Variants in ADAMTS18 observed in about 807,000 individuals in gnomAD.
ADAMTS18 encodes the protein ADAM metallopeptidase with thrombospondin type 1 motif 18, also known as A disintegrin and metalloproteinase with thrombospondin motifs 18.
A neutral mutation model predicts 165.9 loss-of-function variants in ADAMTS18; 157 were observed. The ratio of observed to expected loss-of-function variants is 0.95; its 90% CI spans 0.83 to 1.08. The LOEUF (loss-of-function observed/expected upper bound fraction) is 1.08, where lower values mean the gene tolerates loss of function less well. Ranked by LOEUF, ADAMTS18 falls within the 50% of genes least tolerant of loss-of-function variation. ADAMTS18 has a pLI of 0.00. For missense variants in ADAMTS18, 2,040 were observed against 1,534.0 expected (o/e 1.33, Z -5.51); for synonymous variants, 782 against 578.2 (o/e 1.35, Z -5.06).
chr16:77,322,261 C>G (rs2056014321), intron 14 of ADAMTS18, 75 bp downstream of exon 14: 2 of 1,576,970 alleles, frequency 1.3e-6, no homozygotes, highest in Non-Finnish European at 1.7e-6. Flanking sequence ...ATCTCTCACA[C>G]CACTGTTCAC....
chr16:77,389,330 T>C (rs1355665321), intron 3 of ADAMTS18, among the ~76,000 whole-genome samples: 2 of 152,170 alleles, frequency 1.3e-5, no homozygotes, highest in South Asian at 2.1e-4. Context: ...GTCCAATCTT[T>C]ACATGATCTA....
chr16:77,364,439 T>A, intron 4 of ADAMTS18, 58 bp from the exon 5 acceptor site: 1 of 1,563,818 alleles, frequency 6.4e-7, no homozygotes, highest in Non-Finnish European at 8.7e-7. Context: ...GATAAGACAG[T>A]TGAGAGAGAA....
chr16:77,412,618 G>A (rs2057479212), intron 3 of ADAMTS18, among the ~76,000 whole-genome samples: 1 of 152,168 alleles, frequency 6.6e-6, no homozygotes, highest in African/African-American at 2.4e-5. Context: ...GTTCCACATG[G>A]CTGAGAAGGT....
chr16:77,337,700 T>A (rs1346535360), intron 11 of ADAMTS18, among the ~76,000 whole-genome samples: 2 of 152,198 alleles, frequency 1.3e-5, no homozygotes, highest in East Asian at 3.9e-4. Flanking sequence ...TAACTTGATG[T>A]TCTATTACTT....
chr16:77,364,278 A>C lies in ADAMTS18; in HGVS notation c.882T>G (p.Asn294Lys), dbSNP rs771931863. 1 of 1,613,940 alleles carries C rather than the reference A, an allele frequency of 6.2e-7. No homozygotes were observed. The highest frequency in any genetic ancestry group is 2.2e-5 in the East Asian group (1 of 44,856). The change falls in exon 5 of 23, where the codon AAT becomes AAG. Residue 294 changes from asparagine to lysine, a missense_variant. Asn to Lys is a moderately conservative substitution (Grantham distance 94, BLOSUM62 0). Coordinates refer to ENST00000282849, the MANE Select transcript of ADAMTS18 (RefSeq NM_199355.4). ...TGTCTGCCACCACGAGGGTTTCCAC[A>C]TTGAGGCCCTTTTGTGATTTTCCAG... ...RSAGKSQKGLNVETLVVADKK... is the reference protein window; with the variant it reads ...RSAGKSQKGLKVETLVVADKK...
chr16:77,423,877 G>A (rs1485216990), intron 3 of ADAMTS18, among the ~76,000 whole-genome samples: 1 of 152,110 alleles, frequency 6.6e-6, no homozygotes, highest in Non-Finnish European at 1.5e-5. Context: ...AGGCCTTAAG[G>A]CAAGACAGGG....
intron 3 of ADAMTS18, among the ~76,000 whole-genome samples, chr16:77,408,476 T>C (rs1388106685): frequency 6.6e-6 from 1 of 152,104 alleles, no homozygotes; most frequent in Non-Finnish European, 1.5e-5. Context: ...AAAAAATAGA[T>C]AAATAGTGGT....
chr16:77,341,805 A>AT lies in ADAMTS18; in HGVS notation c.1615-7dup. 1 of 1,605,304 alleles carries AT rather than the reference A, an allele frequency of 6.2e-7. No individual in the cohort carries two copies. Among genetic ancestry groups the AT allele is most frequent in the Non-Finnish European group, 8.5e-7 (1 of 1,175,008 alleles). Reference sequence around the variant, plus strand: ...CAAAGTGATTTGCAAATATCCTGAAATAAAAAAAAAGGGGGGTGCTGTTAA... The same window carrying AT: ...CAAAGTGATTTGCAAATATCCTGAAATTAAAAAAAAAGGGGGGTGCTGTTAA... On this transcript the variant is annotated splice_polypyrimidine_tract_variant and splice_region_variant and intron_variant, in intron 10 of 22. Coordinates refer to ENST00000282849, the MANE Select transcript of ADAMTS18 (RefSeq NM_199355.4).
intron 12 of ADAMTS18, among the ~76,000 whole-genome samples, chr16:77,332,448 C>T (rs895193216): frequency 3.9e-5 from 6 of 152,060 alleles, no homozygotes; most frequent in African/African-American, 1.4e-4. Context: ...GAATGTTCCC[C>T]AGTCTGTCAG....
Position 77,353,872 on chromosome 16 carries a change from C to A in ADAMTS18, c.1475G>T (p.Gly492Val), listed in dbSNP as rs777821524. 1.2e-6 allele frequency: 2 copies of A among 1,614,134 alleles called. No homozygotes were observed. The highest frequency in any genetic ancestry group is 1.1e-5 in the South Asian group (1 of 91,086). Residue 492 changes from glycine (G) to valine (V), a missense_variant, in exon 10 of 23, where the codon GGG (glycine) becomes GTG (valine). By Grantham distance (109) the Gly-to-Val change is moderately radical. Coordinates refer to ENST00000282849, the MANE Select transcript of ADAMTS18 (RefSeq NM_199355.4). ...TTGCTTGGGCTCATCCACTAGACAC[C>A]CCGCCTGAGGTGTGCTGTAATGACA... ...LKKFLSTPQA[G>V]CLVDEPKQAG...
chr16:77,334,460 T>C (rs1461076193), intron 12 of ADAMTS18, among the ~76,000 whole-genome samples: 1 of 112,470 alleles, frequency 8.9e-6, no homozygotes, highest in Non-Finnish European at 1.6e-5. Flanking sequence ...TTATATAGTA[T>C]ATATACTGTA....
intron 3 of ADAMTS18, among the ~76,000 whole-genome samples, chr16:77,388,749 T>C (rs1458318753): frequency 2.0e-5 from 3 of 152,196 alleles, no homozygotes; most frequent in Admixed American, 6.5e-5. Context: ...GGTTGTTTTC[T>C]TCCCCTCAGC....
chr16:77,379,438 T>C (rs1487514189), intron 3 of ADAMTS18, among the ~76,000 whole-genome samples: 1 of 152,202 alleles, frequency 6.6e-6, no homozygotes, highest in Non-Finnish European at 1.5e-5. Context: ...CAGAATAGAC[T>C]GTGACCATGG....
chr16:77,293,741 A>G (rs2055413151), intron 19 of ADAMTS18, among the ~76,000 whole-genome samples: 1 of 149,148 alleles, frequency 6.7e-6, no homozygotes, highest in Non-Finnish European at 1.5e-5. Context: ...ATCACGCATG[A>G]GATTCTCATA....
At chr16:77,348,210 T>C (rs2056505687) in intron 10 of ADAMTS18, among the ~76,000 whole-genome samples, 1 of 152,162 alleles carries the variant, frequency 6.6e-6, no homozygotes, top group African/African-American at 2.4e-5. Flanking sequence ...CAATAAATAA[T>C]GTTCCTGTCT....
At chr16:77,335,091 G>T (rs1204923805) in intron 12 of ADAMTS18, among the ~76,000 whole-genome samples, 3 of 147,444 alleles carry the variant, frequency 2.0e-5, no homozygotes, top group Non-Finnish European at 4.5e-5. Flanking sequence ...ATGGTATTCA[G>T]CCTATTATGA....
chr16:77,401,354 G>C (rs1376156980), intron 3 of ADAMTS18, among the ~76,000 whole-genome samples: 2 of 152,206 alleles, frequency 1.3e-5, no homozygotes, highest in Non-Finnish European at 2.9e-5. Flanking sequence ...TATGTTTACT[G>C]TGTACTAGAT....
intron 21 of ADAMTS18, chr16:77,290,599 T>A (rs1361082910): frequency 6.4e-6 from 1 of 155,186 alleles, no homozygotes; most frequent in African/African-American, 2.4e-5. Context: ...TGATTAATGG[T>A]GAGGTGGGGA....
intron 16 of ADAMTS18, among the ~76,000 whole-genome samples, chr16:77,310,907 A>G (rs961873899): frequency 6.6e-6 from 1 of 152,114 alleles, no homozygotes; most frequent in African/African-American, 2.4e-5. Context: ...GAATTTTTGC[A>G]CCTGGCCTGA....
Sources: gnomAD v4.1 joint callset for allele counts (sites outside exome capture counted in the v4.1 genomes callset) on GRCh38, gnomAD v4.1.1 for gene constraint, MANE v1.5 for transcripts, NCBI Gene and HGNC (gene_info 2026-07-23, HGNC 2026-07-21) for gene names.